The following CDH18 variants were observed in gnomAD, a reference collection of about 807,000 sequenced individuals.
CDH18 encodes the protein cadherin-18.
CDH18 carries 31 observed loss-of-function variants against 67.9 expected under a neutral mutation model. The observed-to-expected ratio is 0.46, with a 90% CI of 0.34 to 0.62. The LOEUF is 0.62. Ranked by LOEUF, CDH18 falls within the 20% of genes least tolerant of loss-of-function variation. The pLI is 0.01. For synonymous variants in CDH18, 362 were observed against 347.2 expected (o/e 1.04, Z -0.48); for missense variants, 890 against 975.5 (o/e 0.91, Z 1.17).
chr5:19,714,859 C>G (rs1338753609), intron 5 of CDH18, among the ~76,000 whole-genome samples: 1 of 151,842 alleles, frequency 6.6e-6, no homozygotes, highest in Non-Finnish European at 1.5e-5. Flanking sequence ...TGAGGACATA[C>G]TGCAAAATTG....
chr5:20,097,721 T>A (rs1434064405), intron 2 of CDH18, among the ~76,000 whole-genome samples: 1 of 152,240 alleles, frequency 6.6e-6, no homozygotes, highest in Non-Finnish European at 1.5e-5. Context: ...TGGATTTGTA[T>A]GTTGTGATAA....
At chr5:20,548,436 T>A (rs1368722975) in intron 1 of CDH18, among the ~76,000 whole-genome samples, 1 of 130,158 alleles carries the variant, frequency 7.7e-6, no homozygotes, top group Non-Finnish European at 1.7e-5. Flanking sequence ...ATAGAGAACA[T>A]GTTTGTGTGT....
chr5:20,464,769 TG>T lies in CDH18; in HGVS notation c.-580+110692del, dbSNP rs138334442. ...TATGATTGCCGAAAGGAGATACAATTGAGATGGCAAGGAAGAGAAGTTGGAG... is the reference window on the plus strand; with the variant it reads ...TATGATTGCCGAAAGGAGATACAATTAGATGGCAAGGAAGAGAAGTTGGAG... On this transcript the variant is annotated intron_variant, in intron 1 of 14. Transcript: ENST00000507958. 2.1e-3 allele frequency among the ~76,000 whole-genome samples: 312 copies of T among 152,098 alleles called. 1 individual carries two copies. The highest frequency in any genetic ancestry group is 6.8e-3 in the African/African-American group (282 of 41,488).
intron 2 of CDH18, among the ~76,000 whole-genome samples, chr5:20,094,047 A>T (rs2150564743): frequency 6.6e-6 from 1 of 152,284 alleles, no homozygotes; most frequent in East Asian, 1.9e-4. Context: ...GGACCTTCCA[A>T]TTAGACAAGG....
At chr5:20,018,494 A>G (rs1738091241) in intron 2 of CDH18, among the ~76,000 whole-genome samples, 1 of 152,238 alleles carries the variant, frequency 6.6e-6, no homozygotes, top group Admixed American at 6.5e-5. Flanking sequence ...AATGAGCCTG[A>G]CACAAAGTTC....
At chr5:19,572,235 T>G (rs1272663190) in intron 7 of CDH18, among the ~76,000 whole-genome samples, 2 of 152,186 alleles carry the variant, frequency 1.3e-5, no homozygotes, top group African/African-American at 2.4e-5. Context: ...GATGTAGTTT[T>G]AAAAGTTAAA....
At chr5:19,983,073 A>G (rs1181659855) in intron 1 of CDH18, among the ~76,000 whole-genome samples, 1 of 151,430 alleles carries the variant, frequency 6.6e-6, no homozygotes, top group Non-Finnish European at 1.5e-5. Flanking sequence ...GACATAATGG[A>G]GAAATATCTG....
At chr5:19,495,796 A>G (rs1185449951) in intron 11 of CDH18, among the ~76,000 whole-genome samples, 3 of 151,808 alleles carry the variant, frequency 2.0e-5, no homozygotes, top group Non-Finnish European at 4.4e-5. Flanking sequence ...AAACTGCTGA[A>G]GTGAGATAAA....
chr5:19,917,210 A>AG (rs1197788660), intron 2 of CDH18, among the ~76,000 whole-genome samples: 2 of 152,180 alleles, frequency 1.3e-5, no homozygotes, highest in Non-Finnish European at 2.9e-5. Context: ...TTTTTAAAAA[A>AG]GGAAAACTTT....
At chr5:19,516,402 T>C (rs889807301) in intron 10 of CDH18, among the ~76,000 whole-genome samples, 3 of 152,224 alleles carry the variant, frequency 2.0e-5, no homozygotes, top group Admixed American at 2.0e-4. Flanking sequence ...TTCTATTGAT[T>C]GGAATAGTTT....
intron 3 of CDH18, among the ~76,000 whole-genome samples, chr5:19,828,231 G>A (rs969381424): frequency 3.3e-5 from 5 of 151,976 alleles, no homozygotes; most frequent in African/African-American, 1.2e-4. Flanking sequence ...TCAGTAATAA[G>A]AGTCTTACCA....
At chr5:20,296,522 A>C (rs1366882692) in intron 1 of CDH18, among the ~76,000 whole-genome samples, 1 of 151,968 alleles carries the variant, frequency 6.6e-6, no homozygotes, top group Non-Finnish European at 1.5e-5. Flanking sequence ...CAGCCTCCCA[A>C]AGTGCTGGGA....
chr5:19,962,774 T>C lies in CDH18; in HGVS notation c.-257+18286A>G, dbSNP rs185302985. On this transcript the variant is annotated intron_variant, in intron 2 of 12. Transcript: ENST00000382275. ...CTGGGCAAGACTCGGTCTCAAAAAA[T>C]AAAAAAGTAAATAAATACATCTTAA... Among the ~76,000 whole-genome samples the C allele has an allele frequency of 1.3e-4, 20 of 151,980 alleles. No homozygotes were observed. In the East Asian group the frequency reaches 3.7e-3, roughly 28 times the overall value.
At chr5:19,878,840 C>T (rs1295940101) in intron 2 of CDH18, among the ~76,000 whole-genome samples, 2 of 151,810 alleles carry the variant, frequency 1.3e-5, no homozygotes, top group African/African-American at 2.4e-5. Context: ...TTTTGTGTGT[C>T]ACAAAGTAAA....
intron 4 of CDH18, among the ~76,000 whole-genome samples, chr5:19,726,366 A>T (rs1253188090): frequency 6.6e-6 from 1 of 152,198 alleles, no homozygotes; most frequent in Non-Finnish European, 1.5e-5. Context: ...AGTCTCACAC[A>T]ATTGTCTTTG....
chr5:19,896,787 T>C (rs972297083), intron 2 of CDH18, among the ~76,000 whole-genome samples: 3 of 152,152 alleles, frequency 2.0e-5, no homozygotes, highest in African/African-American at 4.8e-5. Flanking sequence ...CTGAGTTAGA[T>C]TGGTGGACTA....
chr5:19,523,619 A>T (rs900026361), intron 9 of CDH18, among the ~76,000 whole-genome samples: 1 of 152,134 alleles, frequency 6.6e-6, no homozygotes, highest in South Asian at 2.1e-4. Context: ...AATCAAAATA[A>T]GTTATCACTT....
At chr5:19,682,298 G>C (rs189323979) in intron 5 of CDH18, among the ~76,000 whole-genome samples, 4 of 152,112 alleles carry the variant, frequency 2.6e-5, no homozygotes, top group African/African-American at 9.6e-5. Context: ...CATCTTGACT[G>C]CACTACTTTC....
chr5:20,232,748 C>A lies in CDH18; in HGVS notation c.-518+22696G>T, dbSNP rs113706339. Among the ~76,000 whole-genome samples, 122 of 152,056 alleles carry A rather than the reference C, an allele frequency of 8.0e-4. 2 individuals carry two copies. In the East Asian group the frequency reaches 0.019, roughly 23 times the overall value. On this transcript the variant is annotated intron_variant, in intron 2 of 14. Transcript: ENST00000507958. The stretch of plus-strand genomic sequence containing the variant: ...CAAAATAGAATTTTTTATTTTGAAA[C>A]CTTTTTTATAATTTATGCAATAGTT...
Sources: allele counts gnomAD v4.1 joint callset (sites outside exome capture counted in the v4.1 genomes callset), GRCh38; gene constraint gnomAD v4.1.1; transcripts MANE v1.5; gene names NCBI Gene and HGNC (gene_info 2026-07-23, HGNC 2026-07-21).